Variants in UGT1A4 observed in about 807,000 individuals in gnomAD.
UGT1A4 encodes UDP glucuronosyltransferase family 1 member A4.
In UGT1A4, 32 loss-of-function variants were observed where a neutral mutation model predicts 41.1. The observed-to-expected ratio is 0.78, with a 90% confidence interval of 0.59 to 1.05. UGT1A4 has a LOEUF of 1.05. UGT1A4 is among the 50% of genes least tolerant of loss of function. UGT1A4 has a pLI of 0.00. For missense variants in UGT1A4, 748 were observed against 677.4 expected, an observed-to-expected ratio of 1.10 and a Z score of -1.16; for synonymous variants, 283 against 265.1, an observed-to-expected ratio of 1.07 and a Z score of -0.66.
intron 1 of UGT1A4, among the ~76,000 whole-genome samples, chr2:233,761,361 C>T (rs1202698678): frequency 6.6e-6 from 1 of 152,198 alleles, no homozygotes; most frequent in African/African-American, 2.4e-5. Context: ...GGAAAGCATT[C>T]CTTGGACATT....
At chr2:233,725,167 G>A (rs112233788) in intron 1 of UGT1A4, among the ~76,000 whole-genome samples, 4,177 of 75,252 alleles carry the variant, frequency 0.056, 411 homozygotes, top group African/African-American at 0.13. Flanking sequence ...TGCATGAGAG[G>A]GAGACCGTGG....
chr2:233,722,844 T>C (rs1216132787), intron 1 of UGT1A4, among the ~76,000 whole-genome samples: 6 of 105,740 alleles, frequency 5.7e-5, no homozygotes, highest in African/African-American at 3.6e-4. Flanking sequence ...TAAGAATGTT[T>C]CTTTTTTTTT....
Position 233,719,088 on chromosome 2 carries a change from G to A in UGT1A4, c.268G>A (p.Asp90Asn), listed in dbSNP as rs2076724106. The A allele has an allele frequency of 6.2e-7, 1 of 1,614,250 alleles. No homozygotes were observed. Among genetic ancestry groups the A allele is most frequent in the South Asian group, 1.1e-5 (1 of 91,076 alleles). The change falls in exon 1 of 5, where the codon GAT (aspartate) becomes AAT (asparagine). Residue 90 changes from aspartate to asparagine, a missense_variant. Transcript: ENST00000373409. ...TGTTCCATGGACCCAGAAGGAATTT[G>A]ATCGCGTTACGCTGGGCTACACTCA... is the stretch of plus-strand genomic sequence containing the variant. ...YAVPWTQKEF[D>N]RVTLGYTQGF...
chr2:233,743,224 A>G (rs397839834), intron 1 of UGT1A4: 25 of 414,132 alleles, frequency 6.0e-5, no homozygotes, highest in Middle Eastern at 7.1e-4. Context: ...GCTCTTTGCT[A>G]TTTATTATGA....
intron 1 of UGT1A4, chr2:233,761,138 A>G (rs1697686398): frequency 7.4e-6 from 12 of 1,614,200 alleles, no homozygotes; most frequent in Non-Finnish European, 1.0e-5. Context: ...CTTCACCAAA[A>G]TCCACTATCC....
At chr2:233,736,574 T>G (rs2078777492) in intron 1 of UGT1A4, among the ~76,000 whole-genome samples, 2 of 152,254 alleles carry the variant, frequency 1.3e-5, no homozygotes, top group South Asian at 4.1e-4. Flanking sequence ...GCTGTGATCC[T>G]TTGGAGGAGA....
At chr2:233,755,368 G>A in intron 1 of UGT1A4, 1 of 361,208 alleles carries the variant, frequency 2.8e-6, no homozygotes, top group Non-Finnish European at 5.3e-6. Flanking sequence ...GGGCCGCCTG[G>A]AGGGCCGCCC....
At chr2:233,741,540 A>G (rs1267633349) in intron 1 of UGT1A4, 14 of 152,000 alleles carry the variant, frequency 9.2e-5, no homozygotes. Context: ...TTATTCTGAT[A>G]CTTCTTTTAT....
chr2:233,760,476 C>G (rs191471887), intron 1 of UGT1A4: 1 of 1,614,200 alleles, frequency 6.2e-7, no homozygotes, highest in Non-Finnish European at 8.5e-7. Context: ...TAGCACCTGA[C>G]GCCTCGTTGT....
At chr2:233,739,640 A>G (rs1691162430) in intron 1 of UGT1A4, among the ~76,000 whole-genome samples, 1 of 152,122 alleles carries the variant, frequency 6.6e-6, no homozygotes, top group African/African-American at 2.4e-5. Context: ...GGGAACATTT[A>G]CCCAATTTCT....
intron 1 of UGT1A4, chr2:233,761,087 C>G (rs141950052): frequency 6.2e-7 from 1 of 1,614,018 alleles, no homozygotes; most frequent in Non-Finnish European, 8.5e-7. Flanking sequence ...TACCCTAGGC[C>G]CATCATGCCC....
At chr2:233,728,129 G>A (rs554109385) in intron 1 of UGT1A4, among the ~76,000 whole-genome samples, 1 of 152,318 alleles carries the variant, frequency 6.6e-6, no homozygotes, top group South Asian at 2.1e-4. Context: ...ATTTGGACTA[G>A]GGCCCCCACA....
chr2:233,750,617 G>C (rs1694515709), intron 1 of UGT1A4: 1 of 151,760 alleles, frequency 6.6e-6, no homozygotes, highest in African/African-American at 2.4e-5. Context: ...TTTGTGGGCT[G>C]GGTCCATGCT....
At chr2:233,745,324 G>C (rs1405359203) in intron 1 of UGT1A4, among the ~76,000 whole-genome samples, 1 of 151,812 alleles carries the variant, frequency 6.6e-6, no homozygotes, top group African/African-American at 2.4e-5. Flanking sequence ...CACTAGAACT[G>C]CTATATCATG....
chr2:233,757,562 G>GTATATATATATATATATA (rs1491042837), intron 1 of UGT1A4, among the ~76,000 whole-genome samples: 1 of 90,870 alleles, frequency 1.1e-5, no homozygotes, highest in Non-Finnish European at 2.1e-5. Context: ...ATATATATAT[G>GTATATATATATATATATA]TATATATGAT....
chr2:233,729,850 G>C (rs916795505), intron 1 of UGT1A4: 6 of 1,613,870 alleles, frequency 3.7e-6, no homozygotes, highest in Non-Finnish European at 5.1e-6. Context: ...TTTTCAGAGA[G>C]AGGTGTCAGT....
intron 1 of UGT1A4, among the ~76,000 whole-genome samples, chr2:233,745,151 G>A (rs1280914667): frequency 6.6e-6 from 1 of 151,808 alleles, no homozygotes; most frequent in African/African-American, 2.4e-5. Flanking sequence ...AGTATATGGA[G>A]GGTCAAATGT....
chr2:233,723,259 G>T (rs1486772890), intron 1 of UGT1A4, among the ~76,000 whole-genome samples: 1 of 114,276 alleles, frequency 8.8e-6, no homozygotes, highest in African/African-American at 4.3e-5. Flanking sequence ...ACCCAGGCTG[G>T]AGTGCAATGG....
In UGT1A4 at chr2:233,747,539, A is replaced by G; in HGVS notation, c.868-19495A>G. 4 of 1,604,572 alleles carry G rather than the reference A, an allele frequency of 2.5e-6. No individual in the cohort carries two copies. The South Asian group carries it at 3.3e-5, about 13-fold the overall frequency. ...TTGAAACAGAACATTTTCTGAAGAC[A>G]TTTTCTAAAAGTATGGCAATTTTGA... On this transcript the variant is annotated intron_variant, in intron 1 of 4. Transcript: ENST00000373409.
Sources: gnomAD v4.1 joint callset for allele counts (sites outside exome capture counted in the v4.1 genomes callset) on GRCh38, gnomAD v4.1.1 for gene constraint, MANE v1.5 for transcripts, NCBI Gene and HGNC (gene_info 2026-07-23, HGNC 2026-07-21) for gene names.